The following HPGDS variants were observed in gnomAD, a reference collection of about 807,000 sequenced individuals.
HPGDS encodes GST class-sigma.
A neutral mutation model predicts 23.1 loss-of-function variants in HPGDS; 26 were observed. The observed-to-expected ratio is 1.13, with a 90% confidence interval of 0.83 to 1.56. The LOEUF (loss-of-function observed/expected upper bound fraction) is 1.56, where lower values mean the gene tolerates loss of function less well. HPGDS is among the 40% of genes most tolerant of loss of function. HPGDS has a pLI of 0.00. For synonymous variants in HPGDS, 95 were observed against 77.9 expected (o/e 1.22, Z -1.16); for missense variants, 268 against 236.4 (o/e 1.13, Z -0.88).
Position 94,336,534 on chromosome 4 carries a change from CAACT to C in HPGDS, c.-9-1900_-9-1897del, listed in dbSNP as rs373768910. Among the ~76,000 whole-genome samples, 190 of 152,284 alleles carry C rather than the reference CAACT, an allele frequency of 1.2e-3. 1 individual carries two copies. The highest frequency in any genetic ancestry group is 4.5e-3 in the African/African-American group (186 of 41,570). On this transcript the variant is annotated intron_variant, in intron 1 of 5. Coordinates refer to ENST00000295256, the MANE Select transcript of HPGDS (RefSeq NM_014485.3). ...TGCATCAGCCAGTCCAGTCCCCACC[CAACT>C]GAGATGTAGCATTCACCGCATATAT...
chr4:94,337,504 G>A (rs58796749), intron 1 of HPGDS, among the ~76,000 whole-genome samples: 65,776 of 151,158 alleles, frequency 0.44, 14,318 homozygotes, highest in African/African-American at 0.47. Flanking sequence ...GTGAAACCCC[G>A]TCTCTACCAA....
intron 3 of HPGDS, among the ~76,000 whole-genome samples, chr4:94,312,652 G>A (rs1009566399): frequency 7.2e-5 from 11 of 152,130 alleles, no homozygotes; most frequent in African/African-American, 2.7e-4. Flanking sequence ...ATGTCTATTA[G>A]GTCCACTTGG....
At chr4:94,315,748 C>T (rs1756384507) in intron 3 of HPGDS, among the ~76,000 whole-genome samples, 1 of 152,136 alleles carries the variant, frequency 6.6e-6, no homozygotes. Context: ...CCTCTGTAAA[C>T]TATATTTTTG....
chr4:94,329,766 A>G (rs900151430), intron 2 of HPGDS, among the ~76,000 whole-genome samples: 1 of 152,248 alleles, frequency 6.6e-6, no homozygotes, highest in African/African-American at 2.4e-5. Flanking sequence ...GCATCTAACA[A>G]GAAGACATTT....
In HPGDS at chr4:94,299,521, C is replaced by T. The variant is rs76328980; in HGVS notation, c.559G>A (p.Val187Ile). 5.8e-3 allele frequency: 9,355 copies of T among 1,613,422 alleles called. 133 individuals carry two copies. Among genetic ancestry groups the T allele is most frequent in the African/African-American group, 0.05 (3,726 of 74,814 alleles). Residue 187 changes from valine (V) to isoleucine (I), a missense_variant, in exon 6 of 6, where the codon GTC (valine) becomes ATC (isoleucine). By Grantham distance (29) the Val-to-Ile change is conservative. Transcript: ENST00000295256. Reference protein sequence around the residue: ...LRKKVQAIPAVANWIKRRPQT... With the variant: ...LRKKVQAIPAIANWIKRRPQT... ...GGCCTTCGTTTTATCCAGTTAGCGA[C>T]GGCAGGAATGGCTTGGACTTTCTTC...
At chr4:94,325,076 A>G (rs570336188) in intron 2 of HPGDS, among the ~76,000 whole-genome samples, 2 of 152,302 alleles carry the variant, frequency 1.3e-5, no homozygotes, top group East Asian at 1.9e-4. Context: ...GTTTGCCATT[A>G]TATCACCAGC....
intron 1 of HPGDS, among the ~76,000 whole-genome samples, chr4:94,340,992 C>G (rs1339190818): frequency 6.6e-6 from 1 of 151,064 alleles, no homozygotes; most frequent in Non-Finnish European, 1.5e-5. Flanking sequence ...ATTACAGACG[C>G]CCACCACCGC....
At chr4:94,336,077 G>A (rs549345654) in intron 1 of HPGDS, among the ~76,000 whole-genome samples, 39 of 151,940 alleles carry the variant, frequency 2.6e-4, no homozygotes, top group African/African-American at 7.0e-4. Context: ...GTGGTGGTGC[G>A]CGCCTGTAAT....
chr4:94,314,401 C>T (rs1756349381), intron 3 of HPGDS, among the ~76,000 whole-genome samples: 1 of 152,208 alleles, frequency 6.6e-6, no homozygotes, highest in Non-Finnish European at 1.5e-5. Flanking sequence ...TGCCAGAGGT[C>T]CACTCCGGAC....
chr4:94,340,811 A>C (rs1578148670), intron 1 of HPGDS, among the ~76,000 whole-genome samples: 6 of 127,990 alleles, frequency 4.7e-5, no homozygotes, highest in Non-Finnish European at 8.1e-5. Context: ...GGCACCAACC[A>C]CCACGCCCGG....
intron 2 of HPGDS, among the ~76,000 whole-genome samples, chr4:94,320,484 G>T (rs1199645928): frequency 6.6e-6 from 1 of 152,116 alleles, no homozygotes; most frequent in Non-Finnish European, 1.5e-5. Context: ...TCTCACCATG[G>T]TTTTGATTTG....
chr4:94,326,519 T>C (rs1756634716), intron 2 of HPGDS, among the ~76,000 whole-genome samples: 1 of 152,180 alleles, frequency 6.6e-6, no homozygotes, highest in Non-Finnish European at 1.5e-5. Context: ...ATTTTTTAAA[T>C]TTCATTCATT....
intron 2 of HPGDS, among the ~76,000 whole-genome samples, chr4:94,328,141 C>T (rs1387928723): frequency 6.6e-6 from 1 of 152,244 alleles, no homozygotes; most frequent in Non-Finnish European, 1.5e-5. Context: ...TTACCTTTTC[C>T]CCACAATGGG....
intron 4 of HPGDS, 58 bp downstream of exon 4, chr4:94,308,576 A>T: frequency 1.2e-6 from 1 of 849,298 alleles, no homozygotes; most frequent in Non-Finnish European, 2.0e-6. Flanking sequence ...GGCACCTAAC[A>T]CAATGTCTGG....
chr4:94,326,581 T>C (rs1756635890), intron 2 of HPGDS, among the ~76,000 whole-genome samples: 1 of 152,180 alleles, frequency 6.6e-6, no homozygotes, highest in Non-Finnish European at 1.5e-5. Context: ...ATCTATCTGT[T>C]ATATTGAATT....
intron 4 of HPGDS, among the ~76,000 whole-genome samples, chr4:94,302,663 A>G (rs917538983): frequency 1.3e-5 from 2 of 152,096 alleles, no homozygotes; most frequent in African/African-American, 4.8e-5. Context: ...TCGTAAGGCT[A>G]GACTCTTCTA....
chr4:94,306,693 G>T (rs951483221), intron 4 of HPGDS, among the ~76,000 whole-genome samples: 1 of 152,050 alleles, frequency 6.6e-6, no homozygotes, highest in Admixed American at 6.6e-5. Flanking sequence ...AACAGCCTAA[G>T]AATTTTTATA....
intron 2 of HPGDS, among the ~76,000 whole-genome samples, chr4:94,327,211 G>C (rs976465292): frequency 2.0e-5 from 3 of 152,036 alleles, no homozygotes; most frequent in African/African-American, 7.2e-5. Context: ...CAATGACAGT[G>C]GCAAGCAGAA....
chr4:94,323,812 G>A (rs1033178030), intron 2 of HPGDS, among the ~76,000 whole-genome samples: 8 of 151,906 alleles, frequency 5.3e-5, no homozygotes, highest in Non-Finnish European at 8.8e-5. Flanking sequence ...CATTATATTA[G>A]CTGGTTATTT....
Sources: gnomAD v4.1 joint callset for allele counts (sites outside exome capture counted in the v4.1 genomes callset) on GRCh38, gnomAD v4.1.1 for gene constraint, MANE v1.5 for transcripts, NCBI Gene and HGNC (gene_info 2026-07-23, HGNC 2026-07-21) for gene names.